The following FAM110B variants were observed in gnomAD, a reference collection of about 807,000 sequenced individuals.
The protein encoded by FAM110B is protein FAM110B.
In FAM110B, 6 loss-of-function variants were observed where a neutral mutation model predicts 20.4. The observed-to-expected ratio is 0.29, with a 90% CI of 0.16 to 0.58. FAM110B has a LOEUF of 0.58. FAM110B is among the 20% of genes least tolerant of loss of function. The pLI is 0.90. For synonymous variants in FAM110B, 226 were observed against 214.1 expected, an observed-to-expected ratio of 1.06 and a Z score of -0.49; for missense variants, 434 against 498.2, an observed-to-expected ratio of 0.87 and a Z score of 1.23.
chr8:58,091,725 C>T lies in FAM110B; in HGVS notation c.-325+16102C>T, dbSNP rs1806484855. On this transcript the variant is annotated intron_variant, in intron 3 of 3. Coordinates refer to ENST00000519262, the MANE Select transcript of FAM110B (RefSeq NM_001377989.1). ...ATAAAAATACGATCCTACTGAAACT[C>T]ATTTTTAATGGTGACCCTGAAAATC... The T allele has an allele frequency of 2.6e-5, 4 of 152,174 alleles. No homozygotes were observed. In the South Asian group the frequency reaches 8.3e-4, roughly 32 times the overall value. The allele number at this position is 152,174 out of a possible 1,614,324, so 9.4% of individuals were successfully genotyped here.
chr8:58,126,582 C>CT (rs1007373672), intron 3 of FAM110B, among the ~76,000 whole-genome samples: 7 of 151,446 alleles, frequency 4.6e-5, no homozygotes, highest in South Asian at 2.1e-4. Context: ...GTCTCTCTCT[C>CT]TTTTTTTTTA....
At chr8:58,073,509 C>A (rs1374083178) in intron 2 of FAM110B, among the ~76,000 whole-genome samples, 1 of 152,164 alleles carries the variant, frequency 6.6e-6, no homozygotes, top group Non-Finnish European at 1.5e-5. Flanking sequence ...AATATCATTT[C>A]TCTTCTCCCT....
chr8:58,011,085 TCTAG>T (rs767984474), intron 1 of FAM110B, among the ~76,000 whole-genome samples: 5 of 152,206 alleles, frequency 3.3e-5, no homozygotes, highest in Non-Finnish European at 7.3e-5. Flanking sequence ...TGTTTTGAAC[TCTAG>T]CTAAGAGTTA....
chr8:58,053,482 C>T (rs1353332045), intron 2 of FAM110B, among the ~76,000 whole-genome samples: 1 of 152,164 alleles, frequency 6.6e-6, no homozygotes, highest in Non-Finnish European at 1.5e-5. Context: ...AGATCAGGAA[C>T]TCAGTTTGAG....
At chr8:58,024,199 A>G (rs1283668037) in intron 1 of FAM110B, among the ~76,000 whole-genome samples, 1 of 149,152 alleles carries the variant, frequency 6.7e-6, no homozygotes, top group Admixed American at 6.7e-5. Flanking sequence ...TAAAACCCAG[A>G]GAAATATACG....
chr8:58,020,207 T>A (rs1804722570), intron 1 of FAM110B, among the ~76,000 whole-genome samples: 1 of 152,226 alleles, frequency 6.6e-6, no homozygotes. Flanking sequence ...TTTTATTTGC[T>A]GTAAACGCCT....
chr8:58,009,620 A>G (rs1282223122), intron 1 of FAM110B, among the ~76,000 whole-genome samples: 1 of 152,246 alleles, frequency 6.6e-6, no homozygotes. Context: ...TTTGATTTAA[A>G]AATATGTCTA....
chr8:58,113,621 G>A (rs891167146), intron 3 of FAM110B: 6 of 159,182 alleles, frequency 3.8e-5, no homozygotes, highest in Middle Eastern at 1.1e-3. Context: ...ATTAAACTTC[G>A]TTTTGGCCAC....
chr8:58,093,597 A>G (rs1009558616), intron 3 of FAM110B, among the ~76,000 whole-genome samples: 3 of 152,056 alleles, frequency 2.0e-5, no homozygotes, highest in Admixed American at 6.6e-5. Context: ...GTTCTGTTCC[A>G]TTGGTCTATA....
At chr8:58,035,451 T>G (rs2150574479) in intron 2 of FAM110B, among the ~76,000 whole-genome samples, 1 of 152,354 alleles carries the variant, frequency 6.6e-6, no homozygotes, top group Middle Eastern at 3.4e-3. Context: ...CACATTTGTT[T>G]TTCGTATACT....
At chr8:58,102,046 G>C (rs781149255) in intron 3 of FAM110B, among the ~76,000 whole-genome samples, 1 of 152,136 alleles carries the variant, frequency 6.6e-6, no homozygotes, top group East Asian at 1.9e-4. Flanking sequence ...GCCACTTTTC[G>C]TTATTTTCCA....
chr8:58,012,685 G>C (rs1804563534), intron 1 of FAM110B, among the ~76,000 whole-genome samples: 1 of 152,316 alleles, frequency 6.6e-6, no homozygotes, highest in East Asian at 1.9e-4. Flanking sequence ...TGGGCCTGTG[G>C]AGGACTGCTG....
intron 3 of FAM110B, among the ~76,000 whole-genome samples, chr8:58,094,671 T>C (rs1173018291): frequency 6.6e-6 from 1 of 152,248 alleles, no homozygotes; most frequent in Non-Finnish European, 1.5e-5. Context: ...TTGAAGCTTT[T>C]CACATCGATG....
chr8:58,004,114 C>T (rs532534810), intron 1 of FAM110B, among the ~76,000 whole-genome samples: 1 of 152,308 alleles, frequency 6.6e-6, no homozygotes, highest in South Asian at 2.1e-4. Flanking sequence ...AAGAAGCACG[C>T]AACCCAGATC....
intron 1 of FAM110B, among the ~76,000 whole-genome samples, chr8:58,027,315 G>C (rs183680846): frequency 6.6e-6 from 1 of 152,078 alleles, no homozygotes; most frequent in East Asian, 1.9e-4. Context: ...AGCCATCATT[G>C]ATTGCTATAA....
At chr8:58,075,247 C>G (rs1459759434) in intron 2 of FAM110B, among the ~76,000 whole-genome samples, 3 of 126,016 alleles carry the variant, frequency 2.4e-5, no homozygotes, top group African/African-American at 1.4e-4. Context: ...CACCACCACA[C>G]TGAACTAATT....
At chr8:58,027,545 T>C (rs187949559) in intron 1 of FAM110B, among the ~76,000 whole-genome samples, 39 of 152,284 alleles carry the variant, frequency 2.6e-4, no homozygotes, top group African/African-American at 7.9e-4. Context: ...TACCACAATC[T>C]TGAAATAGAA....
rs768692935 is a variant in FAM110B, at chr8:58,147,195, A to G, written c.965A>G (p.Gln322Arg). The change falls in exon 4 of 4, where the codon CAG (glutamine) becomes CGG (arginine). Residue 322 changes from glutamine (Q) to arginine (R), a missense_variant. This residue lies in a region of FAM110B where 94 missense variants were observed against 137.8 expected (regional missense o/e 0.68). Transcript: ENST00000519262. ...SMISSDCEQS[Q>R]DSNSDLRNDD... Reference sequence around the variant, plus strand: ...ATCAGCTCAGACTGTGAACAGTCTCAGGACAGTAACAGTGACCTTAGAAAT... The same window carrying G: ...ATCAGCTCAGACTGTGAACAGTCTCGGGACAGTAACAGTGACCTTAGAAAT... The G allele has an allele frequency of 6.2e-7, 1 of 1,614,124 alleles. No individual in the cohort carries two copies. Among genetic ancestry groups the G allele is most frequent in the Admixed American group, 1.7e-5 (1 of 60,020 alleles).
intron 3 of FAM110B, among the ~76,000 whole-genome samples, chr8:58,126,563 G>T (rs183877278): frequency 2.6e-5 from 4 of 152,020 alleles, no homozygotes; most frequent in Admixed American, 6.5e-5. Context: ...AGCATTTATT[G>T]GGTGGTGTGT....
Sources: allele counts gnomAD v4.1 joint callset (sites outside exome capture counted in the v4.1 genomes callset), GRCh38; gene constraint gnomAD v4.1.1; regional missense constraint gnomAD v4.1.1; transcripts MANE v1.5; gene names NCBI Gene and HGNC (gene_info 2026-07-23, HGNC 2026-07-21).